Variants in PROCR observed in about 807,000 individuals in gnomAD.
The protein encoded by PROCR is endothelial protein C receptor.
A neutral mutation model predicts 24.2 loss-of-function variants in PROCR; 22 were observed. That is an observed-to-expected ratio of 0.91 (90% CI 0.65 to 1.30). PROCR has a LOEUF of 1.30. Among genes scored for constraint, PROCR ranks in the 50% most tolerant of loss-of-function variants. The pLI, the probability that PROCR is intolerant of heterozygous loss-of-function variation, is 0.00. For synonymous variants in PROCR, 137 were observed against 139.2 expected (o/e 0.98, Z 0.11); for missense variants, 288 against 307.7 (o/e 0.94, Z 0.48).
intron 1 of PROCR, among the ~76,000 whole-genome samples, chr20:35,205,768 T>TATATATATATATATATAC (rs2060337403): frequency 2.2e-5 from 1 of 45,614 alleles, no homozygotes; most frequent in African/African-American, 5.9e-5. Flanking sequence ...TATATATATA[T>TATATATATATATATATAC]ATATATATAT....
intron 1 of PROCR, among the ~76,000 whole-genome samples, chr20:35,210,381 T>C (rs1038368462): frequency 6.6e-6 from 1 of 151,776 alleles, no homozygotes; most frequent in African/African-American, 2.4e-5. Context: ...CTCATCTCTA[T>C]GAAAAATTTT....
chr20:35,182,252 A>G (rs1341533188), downstream of PROCR, among the ~76,000 whole-genome samples: 1 of 152,172 alleles, frequency 6.6e-6, no homozygotes, highest in East Asian at 1.9e-4. Flanking sequence ...AATTGATGCA[A>G]ATGAGAAGCC....
At chr20:35,180,316 C>T (rs1020088356), downstream of PROCR, among the ~76,000 whole-genome samples, 2 of 152,088 alleles carry the variant, frequency 1.3e-5, no homozygotes, top group African/African-American at 4.8e-5. Context: ...GAATAGCCAG[C>T]AGATAGCTTC....
intron 1 of PROCR, among the ~76,000 whole-genome samples, chr20:35,210,116 T>C (rs752602290): frequency 6.6e-6 from 1 of 151,948 alleles, no homozygotes; most frequent in Non-Finnish European, 1.5e-5. Context: ...GTCCTAGCTA[T>C]TTGGGAGGCT....
At chr20:35,179,548 G>T (rs983133159), downstream of PROCR, among the ~76,000 whole-genome samples, 2 of 151,296 alleles carry the variant, frequency 1.3e-5, no homozygotes, top group African/African-American at 4.9e-5. Context: ...AAAAAAAAAA[G>T]ATAGTGTATG....
rs1340818483 is a variant in PROCR, at chr20:35,206,626, G to T, written c.95-9267G>T. On this transcript the variant is annotated intron_variant, in intron 1 of 1. Coordinates refer to the PROCR transcript ENST00000634509. ...GAAAATATGCTCAACATCATTTGTT[G>T]GTAGGGAATTGCAAATTAAAACCAC... Among the ~76,000 whole-genome samples the T allele has an allele frequency of 3.3e-5, 5 of 151,976 alleles. No individual in the cohort carries two copies. In the South Asian group the frequency reaches 8.3e-4, roughly 25 times the overall value.
intron 1 of PROCR, among the ~76,000 whole-genome samples, chr20:35,205,252 G>T (rs556230706): frequency 8.5e-4 from 124 of 146,738 alleles, no homozygotes; most frequent in African/African-American, 2.9e-3. Context: ...CAGCTTGGGG[G>T]ACAGAGCAAG....
intron 1 of PROCR, among the ~76,000 whole-genome samples, chr20:35,197,499 C>A (rs938443474): frequency 1.3e-5 from 2 of 152,126 alleles, no homozygotes; most frequent in Non-Finnish European, 2.9e-5. Flanking sequence ...CAATGAATAA[C>A]CCTACAATGG....
chr20:35,189,189 G>T (rs539107409), intron 1 of PROCR, among the ~76,000 whole-genome samples: 36 of 152,000 alleles, frequency 2.4e-4, no homozygotes, highest in African/African-American at 8.7e-4. Context: ...CCAAAAATGG[G>T]TAAGAGAAAT....
chr20:35,202,924 T>C (rs544568899), intron 1 of PROCR: 2 of 152,338 alleles, frequency 1.3e-5, no homozygotes, highest in South Asian at 4.1e-4. Context: ...CCACAGAACA[T>C]ATACCCAGAT....
chr20:35,213,085 C>G (rs539895879), intron 1 of PROCR, among the ~76,000 whole-genome samples: 3 of 152,224 alleles, frequency 2.0e-5, no homozygotes, highest in African/African-American at 7.2e-5. Flanking sequence ...AATCCCAGCA[C>G]TTTGGGAGGC....
intron 1 of PROCR, among the ~76,000 whole-genome samples, chr20:35,191,377 G>A (rs1168575874): frequency 2.0e-5 from 3 of 152,170 alleles, no homozygotes; most frequent in Admixed American, 6.5e-5. Flanking sequence ...GTTTTAGGAC[G>A]TGGGAATAGA....
Position 35,175,884 on chromosome 20 carries a change from C to T in PROCR, c.323-284C>T, listed in dbSNP as rs1373274351. Among the ~76,000 whole-genome samples the T allele has an allele frequency of 3.3e-5, 5 of 151,398 alleles. No individual in the cohort carries two copies. The East Asian group carries it at 7.8e-4, about 24-fold the overall frequency. On this transcript the variant is annotated intron_variant, in intron 2 of 3. Coordinates refer to ENST00000216968, the MANE Select transcript of PROCR (RefSeq NM_006404.5). Reference sequence around the variant, plus strand: ...ACAGGCGTGAGCTGCCGCCCCTGCCCCAGCCTCACCCCCTGTTTTTTTTTT... The same window carrying T: ...ACAGGCGTGAGCTGCCGCCCCTGCCTCAGCCTCACCCCCTGTTTTTTTTTT...
chr20:35,195,983 C>T (rs755979056), intron 1 of PROCR, among the ~76,000 whole-genome samples: 17 of 151,422 alleles, frequency 1.1e-4, no homozygotes, highest in Non-Finnish European at 2.1e-4. Flanking sequence ...GAGTTCGAGA[C>T]CAGCCTGGGC....
chr20:35,189,128 A>G (rs914568775), intron 1 of PROCR, among the ~76,000 whole-genome samples: 1 of 152,226 alleles, frequency 6.6e-6, no homozygotes, highest in African/African-American at 2.4e-5. Flanking sequence ...GATAACCATT[A>G]GGTCTGACTG....
At chr20:35,205,228 G>A (rs186843554) in intron 1 of PROCR, among the ~76,000 whole-genome samples, 4 of 150,212 alleles carry the variant, frequency 2.7e-5, no homozygotes, top group Admixed American at 2.0e-4. Context: ...AGCTGAGATC[G>A]CACCACTGTA....
intron 1 of PROCR, among the ~76,000 whole-genome samples, chr20:35,194,344 G>A (rs2086198204): frequency 6.6e-6 from 1 of 152,228 alleles, no homozygotes; most frequent in East Asian, 1.9e-4. Flanking sequence ...GAGGCTTATG[G>A]GATCAAGAAA....
In PROCR at chr20:35,205,962, C is replaced by A. The variant is rs2060340964; in HGVS notation, c.95-9931C>A. On this transcript the variant is annotated intron_variant, in intron 1 of 1. Coordinates refer to the PROCR transcript ENST00000634509. ...CTGGGATTACAGGTGTGAGCCACTG[C>A]ACTTGACCGCAAATCACATTTCTAA... Among the ~76,000 whole-genome samples the A allele has an allele frequency of 2.0e-5, 3 of 149,644 alleles. No homozygotes were observed. The South Asian group carries it at 6.3e-4, about 32-fold the overall frequency.
chr20:35,186,641 C>T (rs6087683), intron 1 of PROCR, among the ~76,000 whole-genome samples: 92,715 of 150,800 alleles, frequency 0.61, 29,726 homozygotes, highest in African/African-American at 0.8. Flanking sequence ...ATTCAACACA[C>T]GTGAAACATC....
Sources: allele counts gnomAD v4.1 joint callset (sites outside exome capture counted in the v4.1 genomes callset), GRCh38; gene constraint gnomAD v4.1.1; transcripts MANE v1.5; gene names NCBI Gene and HGNC (gene_info 2026-07-23, HGNC 2026-07-21).